Variants in C1GALT1 observed in about 807,000 individuals in gnomAD.
C1GALT1 encodes the protein core 1 synthase, glycoprotein-N-acetylgalactosamine 3-beta-galactosyltransferase 1, also known as glycoprotein-N-acetylgalactosamine 3-beta-galactosyltransferase 1.
C1GALT1 carries 11 observed loss-of-function variants against 31.0 expected under a neutral mutation model. That is an observed-to-expected ratio of 0.36 (90% CI 0.22 to 0.59). The LOEUF (loss-of-function observed/expected upper bound fraction) is 0.59, where lower values mean the gene tolerates loss of function less well. Ranked by LOEUF, C1GALT1 falls within the 20% of genes least tolerant of loss-of-function variation. C1GALT1 has a pLI of 0.79. For missense variants in C1GALT1, 424 were observed against 425.2 expected (o/e 1.00, Z 0.03); for synonymous variants, 175 against 143.6 (o/e 1.22, Z -1.56).
intron 1 of C1GALT1, among the ~76,000 whole-genome samples, chr7:7,214,297 C>G (rs900661194): frequency 6.6e-6 from 1 of 152,048 alleles, no homozygotes; most frequent in African/African-American, 2.4e-5. Context: ...CTGTTTTTCC[C>G]AAGGAGTTCC....
At position 7,238,949 on chromosome 7, in the gene C1GALT1, T is replaced by G. The variant is rs761766340; in HGVS notation, c.888+27T>G. On this transcript the variant is annotated intron_variant, in intron 3 of 3. Transcript: ENST00000436587. The surrounding 1 kb of genome is among the most constrained non-coding windows in gnomAD (Gnocchi z 5.2). ...TAAGTTTAGAAATTTTATTACTATG[T>G]CAATACTTGGACTGACTGAATTTTG... The G allele has an allele frequency of 2.2e-5, 34 of 1,552,632 alleles. No homozygotes were observed. The East Asian group carries it at 7.6e-4, about 35-fold the overall frequency.
At chr7:7,170,069 G>A (rs1228836820) in intron 2 of C1GALT1, among the ~76,000 whole-genome samples, 1 of 152,194 alleles carries the variant, frequency 6.6e-6, no homozygotes, top group Non-Finnish European at 1.5e-5. Context: ...ATTTCATCTT[G>A]AGTAAGTTTA....
In C1GALT1 at chr7:7,167,738, C is replaced by G. The variant is rs927450110; in HGVS notation, c.-18+10312C>G. 5.9e-5 allele frequency among the ~76,000 whole-genome samples: 9 copies of G among 152,088 alleles called. No homozygotes were observed. In the South Asian group the frequency reaches 1.9e-3, roughly 32 times the overall value. On this transcript the variant is annotated intron_variant, in intron 2 of 3. Coordinates refer to the C1GALT1 transcript ENST00000429911. ...ACAGCTCTTTTCTTGGCCTACTACC[C>G]CCAGGCCTCTTCTCACAGCGCCCAG...
chr7:7,248,577 C>G lies in C1GALT1; in HGVS notation c.*4850C>G, dbSNP rs1173156122. On this transcript the variant is annotated 3_prime_UTR_variant, in exon 4 of 4. Coordinates refer to ENST00000436587, the MANE Select transcript of C1GALT1 (RefSeq NM_020156.5). The stretch of plus-strand genomic sequence containing the variant: ...GTGCCTTTTGAACATTTTTAAACAG[C>G]GGATTTAAATAATGCATAAAATAAA... 6.6e-6 allele frequency: 1 copy of G among 151,764 alleles called. No individual in the cohort carries two copies. Among genetic ancestry groups the G allele is most frequent in the South Asian group, 2.1e-4 (1 of 4,824 alleles). 9.4% of individuals were successfully genotyped at this position (151,764 alleles called of 1,614,324 possible).
chr7:7,219,651 T>C (rs753609095), intron 1 of C1GALT1, among the ~76,000 whole-genome samples: 1 of 152,226 alleles, frequency 6.6e-6, no homozygotes, highest in South Asian at 2.1e-4. Flanking sequence ...TTTTGAGAGC[T>C]GCTCAAGAAA....
chr7:7,161,401 C>T (rs1009416091), intron 2 of C1GALT1, among the ~76,000 whole-genome samples: 1 of 152,082 alleles, frequency 6.6e-6, no homozygotes, highest in African/African-American at 2.4e-5. Flanking sequence ...AATAACTTTA[C>T]ATTTGCTAGC....
chr7:7,204,164 T>C (rs1261050468), intron 1 of C1GALT1, among the ~76,000 whole-genome samples: 1 of 151,716 alleles, frequency 6.6e-6, no homozygotes, highest in Non-Finnish European at 1.5e-5. Flanking sequence ...TTTAGTTCTT[T>C]TTCACATGTT....
In C1GALT1 at chr7:7,234,304, A is replaced by C. The variant is rs976304029; in HGVS notation, c.-16A>C. ...TCCTGCTAATTTTTGTTCTTACAGA[A>C]ATACACTTTCGGGAAATGGCCTCTA... On this transcript the variant is annotated splice_region_variant and 5_prime_UTR_variant, in exon 2 of 4. Transcript: ENST00000436587. 2 of 1,609,328 alleles carry C rather than the reference A, an allele frequency of 1.2e-6. No homozygotes were observed. Among genetic ancestry groups the C allele is most frequent in the East Asian group, 4.5e-5 (2 of 44,790 alleles).
In C1GALT1 at chr7:7,172,601, C is replaced by T. The variant is rs538645102; in HGVS notation, c.-18+15175C>T. On this transcript the variant is annotated intron_variant, in intron 2 of 3. Coordinates refer to the C1GALT1 transcript ENST00000429911. ...CATATGCTGGTCCTCTTGATGATGA[C>T]GCACAGGTCCCTTCATCTCTGTAAA... Among the ~76,000 whole-genome samples the T allele has an allele frequency of 9.6e-4, 146 of 152,232 alleles. 1 individual carries two copies. The highest frequency in any genetic ancestry group is 1.5e-3 in the Non-Finnish European group (104 of 68,020).
chr7:7,207,239 G>A (rs1474991993), intron 1 of C1GALT1, among the ~76,000 whole-genome samples: 1 of 150,008 alleles, frequency 6.7e-6, no homozygotes, highest in African/African-American at 2.4e-5. Context: ...AGTCTCTCTA[G>A]TGGATTTTTA....
Position 7,238,616 on chromosome 7 carries a change from T to C in C1GALT1, c.582T>C (p.Phe194=), listed in dbSNP as rs1783478736. Residue 194 remains phenylalanine (F), a synonymous_variant, in exon 3 of 4, where the codon TTT becomes TTC. Transcript: ENST00000436587. This position sits in a 1 kb window ranked among gnomAD's most constrained non-coding sequence, Gnocchi z 5.2. The part of the protein sequence containing the change: ...SKYDPEEPIY[F]GRRFKPYVKQ... ...ACGACCCTGAAGAACCCATTTACTT[T>C]GGGAGAAGATTTAAGCCTTATGTAA... 1 of 1,613,982 alleles carries C rather than the reference T, an allele frequency of 6.2e-7. No individual in the cohort carries two copies. The highest frequency in any genetic ancestry group is 8.5e-7 in the Non-Finnish European group (1 of 1,179,990).
rs191516937 is a variant in C1GALT1 at position 7,214,831 on chromosome 7, C to G, written c.-17-19472C>G. Among the ~76,000 whole-genome samples, 28 of 152,348 alleles carry G rather than the reference C, an allele frequency of 1.8e-4. 1 individual carries two copies. In the South Asian group the frequency reaches 5.6e-3, roughly 30 times the overall value. ...ATAGCCACTTCCCATGATATACTTT[C>G]CACTTGCCTGGGGACCAGACCAGGA... is the stretch of plus-strand genomic sequence containing the variant. On this transcript the variant is annotated intron_variant, in intron 1 of 3. Coordinates refer to ENST00000436587, the MANE Select transcript of C1GALT1 (RefSeq NM_020156.5).
intron 2 of C1GALT1, among the ~76,000 whole-genome samples, chr7:7,160,230 T>C (rs1780319698): frequency 6.6e-6 from 1 of 152,154 alleles, no homozygotes; most frequent in South Asian, 2.1e-4. Context: ...TGGAAAATTC[T>C]TTCTATTCCA....
At chr7:7,239,417 G>T (rs1488674013) in intron 3 of C1GALT1, among the ~76,000 whole-genome samples, 1 of 151,950 alleles carries the variant, frequency 6.6e-6, no homozygotes, top group Non-Finnish European at 1.5e-5. Flanking sequence ...GTGAAGATCT[G>T]GGTAAAGAGC....
intron 2 of C1GALT1, among the ~76,000 whole-genome samples, chr7:7,170,290 C>T (rs1012528348): frequency 6.6e-6 from 1 of 152,096 alleles, no homozygotes; most frequent in African/African-American, 2.4e-5. Context: ...GATCTCTGCT[C>T]TAATCTTTCT....
At chr7:7,201,662 A>C (rs1781535993) in intron 1 of C1GALT1, among the ~76,000 whole-genome samples, 1 of 152,144 alleles carries the variant, frequency 6.6e-6, no homozygotes, top group African/African-American at 2.4e-5. Flanking sequence ...GGCCAGTGCC[A>C]CTCCCAAGGT....
At chr7:7,222,952 T>G (rs1243304435) in intron 1 of C1GALT1, among the ~76,000 whole-genome samples, 1 of 151,930 alleles carries the variant, frequency 6.6e-6, no homozygotes, top group Non-Finnish European at 1.5e-5. Flanking sequence ...AAGCTTTTTT[T>G]AAAAAAAAGT....
At chr7:7,243,398 C>T (rs999084050) in intron 3 of C1GALT1, 126 bp from the exon 4 acceptor site, 2 of 752,522 alleles carry the variant, frequency 2.7e-6, no homozygotes, top group Non-Finnish European at 4.3e-6. Context: ...TTAGGTTCCT[C>T]TGCTTTACCT....
chr7:7,235,167 C>T (rs1446889921), intron 2 of C1GALT1: 2 of 152,176 alleles, frequency 1.3e-5, no homozygotes, highest in Non-Finnish European at 2.9e-5. Context: ...ATTTTAATTT[C>T]CTTCTATTTC....
Sources: gnomAD v4.1 joint callset for allele counts (sites outside exome capture counted in the v4.1 genomes callset) on GRCh38, gnomAD v4.1.1 for gene constraint, Gnocchi (gnomAD v3.1) non-coding constraint, MANE v1.5 for transcripts, NCBI Gene and HGNC (gene_info 2026-07-23, HGNC 2026-07-21) for gene names.